GALNT13: variants seen among roughly 807,000 people sequenced by gnomAD.
GALNT13 encodes UDP-GalNAc:polypeptide N-acetylgalactosaminyltransferase 13.
GALNT13 carries 28 observed loss-of-function variants against 64.2 expected under a neutral mutation model. That is an observed-to-expected ratio of 0.44 (90% CI 0.32 to 0.60). The LOEUF is 0.60. Among genes scored for constraint, GALNT13 ranks in the 20% least tolerant of loss-of-function variants. GALNT13 has a pLI of 0.05. For missense variants in GALNT13, 577 were observed against 669.8 expected (o/e 0.86, Z 1.53); for synonymous variants, 214 against 224.6 (o/e 0.95, Z 0.42).
At chr2:153,891,134 C>A (rs1574055341) in intron 1 of GALNT13, among the ~76,000 whole-genome samples, 1 of 152,106 alleles carries the variant, frequency 6.6e-6, no homozygotes, top group Admixed American at 6.6e-5. Context: ...CTGTACCTAG[C>A]AAAATGCTCT....
intron 9 of GALNT13, among the ~76,000 whole-genome samples, chr2:154,350,223 G>A (rs1423639376): frequency 2.6e-5 from 4 of 152,170 alleles, no homozygotes; most frequent in Admixed American, 2.6e-4. Flanking sequence ...TGAGGGTGTT[G>A]CCAAAGGAGA....
intron 3 of GALNT13, among the ~76,000 whole-genome samples, chr2:153,981,431 T>A (rs1404554905): frequency 1.3e-5 from 2 of 152,080 alleles, no homozygotes; most frequent in Admixed American, 6.6e-5. Context: ...ATGTTCTCAT[T>A]GTTCAATTCC....
At chr2:153,464,146 A>G in the GALNT13 span, among the ~76,000 whole-genome samples, 2 of 152,040 alleles carry the variant, frequency 1.3e-5, no homozygotes, top group African/African-American at 4.8e-5. Context: ...TATGTGCTCT[A>G]CTTTAGTCAA....
chr2:153,923,794 G>GT (rs1480514118), intron 2 of GALNT13, among the ~76,000 whole-genome samples: 1 of 149,280 alleles, frequency 6.7e-6, no homozygotes, highest in East Asian at 2.0e-4. Flanking sequence ...TGCGGTGTTT[G>GT]TTTTTTTGTC....
At chr2:153,660,581 A>G in the GALNT13 span, among the ~76,000 whole-genome samples, 2 of 149,458 alleles carry the variant, frequency 1.3e-5, no homozygotes, top group East Asian at 3.9e-4. Flanking sequence ...ATTATGGAGG[A>G]TGTATATAAA....
the GALNT13 span, among the ~76,000 whole-genome samples, chr2:153,522,158 G>C: frequency 1.3e-5 from 2 of 151,824 alleles, no homozygotes; most frequent in Non-Finnish European, 2.9e-5. Context: ...CATGGTGAAA[G>C]CCTGTCTCTA....
intron 3 of GALNT13, among the ~76,000 whole-genome samples, chr2:153,960,973 C>T (rs1574211761): frequency 6.6e-6 from 1 of 151,924 alleles, no homozygotes; most frequent in Non-Finnish European, 1.5e-5. Flanking sequence ...GATTTTTGTC[C>T]TGTAAAATTG....
At chr2:153,508,093 CTG>C in the GALNT13 span, among the ~76,000 whole-genome samples, 1 of 152,174 alleles carries the variant, frequency 6.6e-6, no homozygotes, top group Non-Finnish European at 1.5e-5. Context: ...GAAATGGACT[CTG>C]TGAGGGTCCT....
intron 3 of GALNT13, among the ~76,000 whole-genome samples, chr2:154,079,111 G>T (rs561209248): frequency 6.6e-6 from 1 of 151,614 alleles, no homozygotes; most frequent in South Asian, 2.1e-4. Flanking sequence ...ATTGTTTGTT[G>T]GCAGCTCTAC....
At chr2:153,637,100 C>T in the GALNT13 span, among the ~76,000 whole-genome samples, 1 of 152,082 alleles carries the variant, frequency 6.6e-6, no homozygotes, top group Non-Finnish European at 1.5e-5. Context: ...AGGTCTGAAG[C>T]TCCATTTTAC....
chr2:153,610,966 A>T, the GALNT13 span, among the ~76,000 whole-genome samples: 4 of 152,168 alleles, frequency 2.6e-5, no homozygotes. Context: ...TAAAGGTAAA[A>T]TTATAGGAAA....
chr2:153,958,512 T>G (rs183289060), intron 3 of GALNT13, among the ~76,000 whole-genome samples: 97 of 152,324 alleles, frequency 6.4e-4, no homozygotes, highest in African/African-American at 1.8e-3. Flanking sequence ...CCATACTAAA[T>G]GAGTTTCTTC....
At chr2:153,889,474 TTCTG>T (rs1687405919) in intron 1 of GALNT13, among the ~76,000 whole-genome samples, 1 of 152,032 alleles carries the variant, frequency 6.6e-6, no homozygotes, top group Non-Finnish European at 1.5e-5. Context: ...GGGAGTTACT[TTCTG>T]TCTGTTTGCT....
chr2:153,818,092 G>T, the GALNT13 span, among the ~76,000 whole-genome samples: 5 of 149,784 alleles, frequency 3.3e-5, no homozygotes, highest in African/African-American at 9.9e-5. Context: ...CTCAGAACCG[G>T]CATGGAACCA....
the GALNT13 span, among the ~76,000 whole-genome samples, chr2:153,531,414 T>C: frequency 1.4e-4 from 22 of 152,244 alleles, no homozygotes; most frequent in South Asian, 3.1e-3. Flanking sequence ...TTACAAGCTT[T>C]ATTGGGATGG....
At chr2:153,734,033 G>A in the GALNT13 span, among the ~76,000 whole-genome samples, 1 of 152,078 alleles carries the variant, frequency 6.6e-6, no homozygotes, top group Non-Finnish European at 1.5e-5. Context: ...GTACAGTTCA[G>A]GACCGTGTTG....
the GALNT13 span, among the ~76,000 whole-genome samples, chr2:153,742,315 AT>A: frequency 7.9e-5 from 12 of 151,770 alleles, no homozygotes; most frequent in Middle Eastern, 3.4e-3. Flanking sequence ...AAATTCGTAA[AT>A]TTTTTTTTAT....
intron 1 of GALNT13, among the ~76,000 whole-genome samples, chr2:153,872,626 G>GGT (rs986003638): frequency 7.6e-6 from 1 of 131,520 alleles, no homozygotes; most frequent in Middle Eastern, 3.7e-3. Context: ...TGGCGGGGGG[G>GGT]GGGGGGGGAG....
At chr2:153,105,121 G>A in the GALNT13 span, among the ~76,000 whole-genome samples, 17 of 140,530 alleles carry the variant, frequency 1.2e-4, no homozygotes, top group East Asian at 2.1e-3. Context: ...TTTTCTAAAC[G>A]TAGGAATTAC....
Sources: allele counts gnomAD v4.1 joint callset (sites outside exome capture counted in the v4.1 genomes callset), GRCh38; gene constraint gnomAD v4.1.1; transcripts MANE v1.5; gene names NCBI Gene and HGNC (gene_info 2026-07-23, HGNC 2026-07-21).